CCNYL1: variants seen among roughly 807,000 people sequenced by gnomAD.
The protein encoded by CCNYL1 is cyclin Y like 1, also known as cyclin-Y-like protein 1.
CCNYL1 carries 16 observed loss-of-function variants against 44.2 expected under a neutral mutation model. That is an observed-to-expected ratio of 0.36 (90% CI 0.25 to 0.55). The LOEUF (loss-of-function observed/expected upper bound fraction) is 0.55. Among genes scored for constraint, CCNYL1 ranks in the 20% least tolerant of loss-of-function variants. The pLI, the probability that CCNYL1 is intolerant of heterozygous loss-of-function variation, is 0.85. For missense variants in CCNYL1, 348 were observed against 451.8 expected, an observed-to-expected ratio of 0.77 and a Z score of 2.08; for synonymous variants, 159 against 163.2, an observed-to-expected ratio of 0.97 and a Z score of 0.20.
rs369386147 is a variant in CCNYL1 at position 207,713,060 on chromosome 2, C to T, written c.220+944C>T. Among the ~76,000 whole-genome samples the T allele has an allele frequency of 1.8e-4, 28 of 152,042 alleles. 1 individual carries two copies. Among genetic ancestry groups the T allele is most frequent in the African/African-American group, 6.0e-4 (25 of 41,468 alleles). ...CTAACTCCAGAGTTCTTGATCCGCC[C>T]GCCTCGGCCTCCCAAAGTGCTGGGA... On this transcript the variant is annotated intron_variant, in intron 1 of 9. Transcript: ENST00000295414.
At chr2:207,749,109 T>G (rs2091874854) in intron 8 of CCNYL1, among the ~76,000 whole-genome samples, 1 of 152,160 alleles carries the variant, frequency 6.6e-6, no homozygotes, top group Non-Finnish European at 1.5e-5. Flanking sequence ...TTTCTACAGA[T>G]GTAAGCTTCA....
At chr2:207,716,062 G>A (rs938946378) in intron 1 of CCNYL1, among the ~76,000 whole-genome samples, 1 of 152,058 alleles carries the variant, frequency 6.6e-6, no homozygotes, top group Admixed American at 6.6e-5. Flanking sequence ...TTTATTTAAC[G>A]GTATGTCTAA....
At chr2:207,717,085 G>A (rs1353024806) in intron 1 of CCNYL1, among the ~76,000 whole-genome samples, 9 of 150,936 alleles carry the variant, frequency 6.0e-5, no homozygotes, top group Non-Finnish European at 1.3e-4. Context: ...CTCCAGCCTG[G>A]GTGACGGAGC....
intron 1 of CCNYL1, among the ~76,000 whole-genome samples, chr2:207,716,882 G>A (rs1046025443): frequency 6.6e-6 from 1 of 152,144 alleles, no homozygotes; most frequent in African/African-American, 2.4e-5. Flanking sequence ...GGCCGAGGCG[G>A]GTGGATCACG....
chr2:207,751,747 G>A (rs1471071735), intron 9 of CCNYL1, among the ~76,000 whole-genome samples: 5 of 152,046 alleles, frequency 3.3e-5, no homozygotes, highest in African/African-American at 7.2e-5. Flanking sequence ...CCAGCTACTC[G>A]GGAGGCTGAG....
At chr2:207,738,284 G>A (rs899886807) in intron 5 of CCNYL1, among the ~76,000 whole-genome samples, 4 of 151,620 alleles carry the variant, frequency 2.6e-5, no homozygotes, top group Admixed American at 6.6e-5. Flanking sequence ...GCAGTGGCAC[G>A]ATCTCGGCTC....
intron 2 of CCNYL1, among the ~76,000 whole-genome samples, chr2:207,725,394 G>T (rs1341849297): frequency 6.6e-6 from 1 of 152,146 alleles, no homozygotes; most frequent in East Asian, 1.9e-4. Context: ...CAAAGTGCTG[G>T]GATTACAGGC....
intron 1 of CCNYL1, among the ~76,000 whole-genome samples, chr2:207,712,533 A>C (rs1488658491): frequency 6.6e-6 from 1 of 152,100 alleles, no homozygotes; most frequent in African/African-American, 2.4e-5. Flanking sequence ...GATGGTACCT[A>C]AGTGAAGGAA....
intron 1 of CCNYL1, among the ~76,000 whole-genome samples, chr2:207,718,236 C>T (rs951164666): frequency 6.6e-6 from 1 of 152,088 alleles, no homozygotes; most frequent in African/African-American, 2.4e-5. Flanking sequence ...AAAGATCAGA[C>T]GGTGGCTCAT....
intron 1 of CCNYL1, among the ~76,000 whole-genome samples, chr2:207,721,139 C>T (rs1322843906): frequency 6.6e-6 from 1 of 152,102 alleles, no homozygotes; most frequent in African/African-American, 2.4e-5. Flanking sequence ...ATACAGTGTG[C>T]AGTATGGTAG....
At chr2:207,746,805 G>A (rs575249761) in intron 7 of CCNYL1, among the ~76,000 whole-genome samples, 26 of 152,164 alleles carry the variant, frequency 1.7e-4, no homozygotes, top group Non-Finnish European at 2.9e-4. Flanking sequence ...GAGAAACCCC[G>A]TCTCTACTGA....
chr2:207,732,718 T>G (rs576898465), intron 3 of CCNYL1, among the ~76,000 whole-genome samples: 42 of 152,308 alleles, frequency 2.8e-4, no homozygotes, highest in South Asian at 1.7e-3. Flanking sequence ...TCAGGCTGTT[T>G]CAGTATTTGA....
At position 207,733,141 on chromosome 2, in the gene CCNYL1, C is replaced by T. The variant is rs569292066; in HGVS notation, c.331-806C>T. ...AGAAGGCAGATGGGGTCAGGCTTAT[C>T]GGGATAAGGAGGAAGAACAAGGTAT... On this transcript the variant is annotated intron_variant, in intron 3 of 9. Transcript: ENST00000295414. Among the ~76,000 whole-genome samples, 63 of 152,126 alleles carry T rather than the reference C, an allele frequency of 4.1e-4. 1 individual carries two copies. In the South Asian group the frequency reaches 0.013, roughly 31 times the overall value.
At chr2:207,737,548 G>T in intron 5 of CCNYL1, 102 bp downstream of exon 5, 1 of 925,146 alleles carries the variant, frequency 1.1e-6, no homozygotes, top group Non-Finnish European at 1.7e-6. Context: ...GCTATAGATT[G>T]CTATTACAGT....
At position 207,755,480 on chromosome 2, in the gene CCNYL1, G is replaced by A. The variant is rs1241279081; in HGVS notation, c.*1782G>A. 6.6e-6 allele frequency: 1 copy of A among 152,172 alleles called. No homozygotes were observed. The highest frequency in any genetic ancestry group is 1.5e-5 in the Non-Finnish European group (1 of 68,026). 9.4% of individuals were successfully genotyped at this position (152,172 alleles called of 1,614,324 possible). A position where few individuals can be genotyped will look rare whatever the true frequency, so the allele number is the denominator to read the frequency against. ...AGCTTAAAATTACACTGAACTTTTGGAATACCTTGTATCTCCATAAAATGC... is the reference window on the plus strand; with the variant it reads ...AGCTTAAAATTACACTGAACTTTTGAAATACCTTGTATCTCCATAAAATGC... On this transcript the variant is annotated 3_prime_UTR_variant, in exon 10 of 10. Coordinates refer to ENST00000295414, the MANE Select transcript of CCNYL1 (RefSeq NM_001330218.2).
At chr2:207,753,544 C>CT in intron 9 of CCNYL1, 44 bp from the exon 10 acceptor site, 3 of 1,358,214 alleles carry the variant, frequency 2.2e-6, no homozygotes, top group Non-Finnish European at 3.2e-6. Flanking sequence ...GGCGGGAACC[C>CT]TTTTTAAAAT....
At chr2:207,721,217 A>G (rs781216061) in intron 1 of CCNYL1, among the ~76,000 whole-genome samples, 8 of 152,210 alleles carry the variant, frequency 5.3e-5, no homozygotes, top group Admixed American at 2.0e-4. Flanking sequence ...GAAACTGCCA[A>G]TGTCTCCTGT....
chr2:207,727,144 A>G (rs1022325448), intron 3 of CCNYL1, among the ~76,000 whole-genome samples: 2 of 152,206 alleles, frequency 1.3e-5, no homozygotes, highest in African/African-American at 4.8e-5. Context: ...ATTTTTGCCT[A>G]AAGTTTTTAA....
intron 9 of CCNYL1, 79 bp downstream of exon 9, chr2:207,751,198 T>C: frequency 7.8e-7 from 1 of 1,278,214 alleles, no homozygotes; most frequent in Non-Finnish European, 1.1e-6. Flanking sequence ...TATTAAGTAG[T>C]GATTAGGAAA....
Sources: gnomAD v4.1 joint callset for allele counts (sites outside exome capture counted in the v4.1 genomes callset) on GRCh38, gnomAD v4.1.1 for gene constraint, MANE v1.5 for transcripts, NCBI Gene and HGNC (gene_info 2026-07-23, HGNC 2026-07-21) for gene names.